PIK3CB: variants seen among roughly 807,000 people sequenced by gnomAD.
PIK3CB encodes the protein phosphatidylinositol-4,5-bisphosphate 3-kinase catalytic subunit beta.
A neutral mutation model predicts 136.8 loss-of-function variants in PIK3CB; 39 were observed. The observed-to-expected ratio is 0.29, with a 90% CI of 0.22 to 0.37. The LOEUF (loss-of-function observed/expected upper bound fraction) is 0.37. Ranked by LOEUF, PIK3CB falls within the 10% of genes least tolerant of loss-of-function variation. PIK3CB has a pLI of 1.00. For synonymous variants in PIK3CB, 428 were observed against 436.6 expected, an observed-to-expected ratio of 0.98 and a Z score of 0.25; for missense variants, 868 against 1,275.4, an observed-to-expected ratio of 0.68 and a Z score of 4.87.
chr3:138,725,029 G>T (rs2044807648), intron 8 of PIK3CB, among the ~76,000 whole-genome samples: 1 of 152,204 alleles, frequency 6.6e-6, no homozygotes, highest in Admixed American at 6.5e-5. Flanking sequence ...TAGGGGGTGT[G>T]GGTGTGAGGT....
At chr3:138,705,199 A>C (rs971263030) in intron 11 of PIK3CB, among the ~76,000 whole-genome samples, 24 of 143,332 alleles carry the variant, frequency 1.7e-4, no homozygotes, top group Admixed American at 4.3e-4. Context: ...ACAAAAAAAA[A>C]AACTTATATT....
At position 138,698,909 on chromosome 3, in the gene PIK3CB, G is replaced by T. The variant is rs1342552760; in HGVS notation, c.1768C>A (p.Gln590Lys). 6.3e-7 allele frequency: 1 copy of T among 1,585,786 alleles called. No individual in the cohort carries two copies. Among genetic ancestry groups the T allele is most frequent in the East Asian group, 2.3e-5 (1 of 44,410 alleles). ...IKWNKLEDVA[Q>K]LQALLQIWPK... The stretch of plus-strand genomic sequence containing the variant: ...TTATAGAAACGATCTTTTGTTACCT[G>T]AGCAACATCCTCAAGTTTATTCCAC... The change falls in exon 13 of 24, where the codon CAG becomes AAG. Residue 590 changes from glutamine to lysine, a missense_variant and splice_region_variant. Coordinates refer to ENST00000674063, the MANE Select transcript of PIK3CB (RefSeq NM_006219.3).
chr3:138,830,017 G>A (rs1451323326), intron 1 of PIK3CB, among the ~76,000 whole-genome samples: 1 of 151,974 alleles, frequency 6.6e-6, no homozygotes, highest in African/African-American at 2.4e-5. Flanking sequence ...ATAAACCACA[G>A]GACAGGACAA....
At chr3:138,717,529 G>C in intron 8 of PIK3CB, among the ~76,000 whole-genome samples, 1 of 110,254 alleles carries the variant, frequency 9.1e-6, no homozygotes, top group East Asian at 3.0e-3. Flanking sequence ...GAAATTTTTT[G>C]TGGTTTTTTT....
chr3:138,692,863 A>G (rs894571313), intron 14 of PIK3CB, among the ~76,000 whole-genome samples: 1 of 152,216 alleles, frequency 6.6e-6, no homozygotes, highest in Non-Finnish European at 1.5e-5. Flanking sequence ...TGAATCTCAT[A>G]GATTCTCACA....
At chr3:138,819,440 T>G (rs562237040) in intron 1 of PIK3CB, among the ~76,000 whole-genome samples, 45 of 152,208 alleles carry the variant, frequency 3.0e-4, no homozygotes, top group African/African-American at 1.1e-3. Context: ...CTGAACAAAC[T>G]AAAGCATAAT....
At chr3:138,739,795 G>A (rs1036316468) in intron 5 of PIK3CB, among the ~76,000 whole-genome samples, 4 of 150,336 alleles carry the variant, frequency 2.7e-5, no homozygotes, top group African/African-American at 4.9e-5. Flanking sequence ...CCAGCTACTC[G>A]GGAGGCTGAG....
At chr3:138,754,465 A>C (rs2045528593) in intron 4 of PIK3CB, among the ~76,000 whole-genome samples, 1 of 152,144 alleles carries the variant, frequency 6.6e-6, no homozygotes, top group African/African-American at 2.4e-5. Flanking sequence ...ACAGAAACAA[A>C]AAACAAACAA....
At position 138,704,476 on chromosome 3, in the gene PIK3CB, A is replaced by C; in HGVS notation, c.1548T>G (p.Ala516=). ...PPFDKIIEKA[A]EIASSDSANV... ...TAGCACTATCACTGCTTGCAATCTC[A>C]GCTGCCTTTTCAATAATCTGTTTAA... is the stretch of plus-strand genomic sequence containing the variant. The change falls in exon 12 of 24, where the codon GCT becomes GCG. Residue 516 remains alanine, a synonymous_variant. Coordinates refer to ENST00000674063, the MANE Select transcript of PIK3CB (RefSeq NM_006219.3). 1 of 1,607,498 alleles carries C rather than the reference A, an allele frequency of 6.2e-7. No homozygotes were observed. Among genetic ancestry groups the C allele is most frequent in the Non-Finnish European group, 8.5e-7 (1 of 1,174,052 alleles).
intron 1 of PIK3CB, among the ~76,000 whole-genome samples, chr3:138,831,156 G>A (rs1025996754): frequency 2.7e-5 from 4 of 146,634 alleles, no homozygotes; most frequent in East Asian, 2.1e-4. Context: ...GCGTGGTGGC[G>A]GGCACCTATG....
At chr3:138,673,587 C>T (rs142519197) in intron 19 of PIK3CB, among the ~76,000 whole-genome samples, 182 of 152,178 alleles carry the variant, frequency 1.2e-3, no homozygotes, top group South Asian at 3.9e-3. Flanking sequence ...TCCATAAAAG[C>T]AACAAGAATA....
intron 1 of PIK3CB, chr3:138,797,053 C>G (rs1453105319): frequency 6.5e-6 from 1 of 153,308 alleles, no homozygotes; most frequent in African/African-American, 2.4e-5. Flanking sequence ...AGACGGAAGA[C>G]CACACCACAC....
At chr3:138,765,777 C>T (rs2045725223) in intron 2 of PIK3CB, among the ~76,000 whole-genome samples, 1 of 151,940 alleles carries the variant, frequency 6.6e-6, no homozygotes, top group Admixed American at 6.6e-5. Context: ...TCACCTGAGC[C>T]CAGGAGGTTG....
intron 2 of PIK3CB, among the ~76,000 whole-genome samples, chr3:138,787,559 C>T (rs969388768): frequency 2.6e-5 from 4 of 152,074 alleles, no homozygotes; most frequent in Admixed American, 2.6e-4. Context: ...AATCCCATCA[C>T]ATTTTTTCCC....
intron 12 of PIK3CB, among the ~76,000 whole-genome samples, chr3:138,703,545 C>T (rs942936379): frequency 7.3e-5 from 11 of 150,434 alleles, no homozygotes; most frequent in African/African-American, 2.5e-4. Context: ...AGATGGTATA[C>T]ATATTTATAT....
intron 4 of PIK3CB, among the ~76,000 whole-genome samples, chr3:138,748,484 G>A (rs2045407230): frequency 6.6e-6 from 1 of 151,928 alleles, no homozygotes; most frequent in Non-Finnish European, 1.5e-5. Context: ...GTTCTCATCT[G>A]AGTGGTCTTT....
rs565960995 is a variant in PIK3CB at position 138,684,896 on chromosome 3, A to G, written c.2137-93T>C. ...TCAATCAATAACACCTGCTCCCAAC[A>G]TATACACATAACCATAAACACACAT... is the stretch of plus-strand genomic sequence containing the variant. On this transcript the variant is annotated intron_variant, in intron 16 of 23. Coordinates refer to ENST00000674063, the MANE Select transcript of PIK3CB (RefSeq NM_006219.3). The G allele has an allele frequency of 3.8e-5, 31 of 807,334 alleles. No homozygotes were observed. The African/African-American group carries it at 4.9e-4, about 13-fold the overall frequency. 50.0% of individuals were successfully genotyped at this position (807,334 alleles called of 1,614,324 possible).
chr3:138,681,299 G>C (rs2043777010), intron 19 of PIK3CB, among the ~76,000 whole-genome samples: 1 of 152,064 alleles, frequency 6.6e-6, no homozygotes, highest in African/African-American at 2.4e-5. Flanking sequence ...GCCCGCTTTG[G>C]TCTCCCAAAG....
At chr3:138,819,251 GC>G (rs1475817428) in intron 1 of PIK3CB, among the ~76,000 whole-genome samples, 1 of 151,950 alleles carries the variant, frequency 6.6e-6, no homozygotes. Flanking sequence ...GGAGGCTGAG[GC>G]AAAAGAATCA....
Sources: gnomAD v4.1 joint callset for allele counts (sites outside exome capture counted in the v4.1 genomes callset) on GRCh38, gnomAD v4.1.1 for gene constraint, MANE v1.5 for transcripts, NCBI Gene and HGNC (gene_info 2026-07-23, HGNC 2026-07-21) for gene names.